Variants in NSMAF observed in about 807,000 individuals in gnomAD.
NSMAF encodes the protein protein FAN.
NSMAF carries 90 observed loss-of-function variants against 134.9 expected under a neutral mutation model. That is an observed-to-expected ratio of 0.67 (90% CI 0.56 to 0.79). The LOEUF (loss-of-function observed/expected upper bound fraction) is 0.79. NSMAF is among the 30% of genes least tolerant of loss of function. The probability of loss-of-function intolerance (pLI) is 0.00; values close to 1 mark genes in which losing one functional copy is unlikely to be tolerated. For synonymous variants in NSMAF, 358 were observed against 389.6 expected, an observed-to-expected ratio of 0.92 and a Z score of 0.96; for missense variants, 1,010 against 1,119.0, an observed-to-expected ratio of 0.90 and a Z score of 1.39.
chr8:58,593,865 C>T (rs1310964612), intron 23 of NSMAF, among the ~76,000 whole-genome samples: 1 of 152,200 alleles, frequency 6.6e-6, no homozygotes, highest in African/African-American at 2.4e-5. Context: ...TGCATTTCCA[C>T]GTGCTGACAG....
At chr8:58,625,797 T>TTAC (rs1213510168) in intron 6 of NSMAF, among the ~76,000 whole-genome samples, 1 of 152,232 alleles carries the variant, frequency 6.6e-6, no homozygotes, top group Non-Finnish European at 1.5e-5. Flanking sequence ...AGGGAAGGAC[T>TTAC]TACTGTTGCC....
In NSMAF at chr8:58,609,648, T is replaced by C; in HGVS notation, c.643A>G (p.Ile215Val). Residue 215 changes from isoleucine to valine, a missense_variant, in exon 10 of 31, where the codon ATC becomes GTC. Coordinates refer to ENST00000038176, the MANE Select transcript of NSMAF (RefSeq NM_003580.4). ...PLVTNPGHVC[I>V]TDTNLYFQPL... Reference sequence around the variant, plus strand: ...TGAAAATACAGGTTTGTGTCCGTGATGCACACGTGTCCAGGATTAGTCACC... The same window carrying C: ...TGAAAATACAGGTTTGTGTCCGTGACGCACACGTGTCCAGGATTAGTCACC... 1 of 1,614,224 alleles carries C rather than the reference T, an allele frequency of 6.2e-7. No individual in the cohort carries two copies. The highest frequency in any genetic ancestry group is 1.1e-5 in the South Asian group (1 of 91,088).
rs749239008 is a variant in NSMAF, at chr8:58,599,891, T to TA, written c.1333-22dup. The TA allele has an allele frequency of 4.3e-6, 7 of 1,612,372 alleles. No individual in the cohort carries two copies. The South Asian group carries it at 7.7e-5, about 18-fold the overall frequency. On this transcript the variant is annotated intron_variant, in intron 17 of 30. Transcript: ENST00000038176. ...ATTAACTGAAAGTTTCGGGGAAAAA[T>TA]AAAAAAGAACAACAAACATGTTTTA...
chr8:58,636,251 T>G (rs1467610337), intron 2 of NSMAF, among the ~76,000 whole-genome samples: 3 of 152,200 alleles, frequency 2.0e-5, no homozygotes, highest in African/African-American at 4.8e-5. Flanking sequence ...TATAACCCCC[T>G]GGGACCCTGC....
At chr8:58,618,111 T>C (rs573714720) in intron 9 of NSMAF, among the ~76,000 whole-genome samples, 5 of 151,732 alleles carry the variant, frequency 3.3e-5, no homozygotes, top group Non-Finnish European at 5.9e-5. Context: ...AACTGAACAA[T>C]GAGATCACTT....
At chr8:58,605,221 T>C (rs1806376543) in intron 12 of NSMAF, among the ~76,000 whole-genome samples, 1 of 152,198 alleles carries the variant, frequency 6.6e-6, no homozygotes, top group Non-Finnish European at 1.5e-5. Context: ...ACTGAGGAAA[T>C]ATCATTAATT....
At chr8:58,622,109 A>G (rs942039894) in intron 9 of NSMAF, among the ~76,000 whole-genome samples, 2 of 152,182 alleles carry the variant, frequency 1.3e-5, no homozygotes, top group Non-Finnish European at 2.9e-5. Flanking sequence ...TAGGTTTTAC[A>G]TTTAAGTCTT....
chr8:58,584,427 A>G (rs1805837013), intron 30 of NSMAF, among the ~76,000 whole-genome samples: 2 of 152,226 alleles, frequency 1.3e-5, no homozygotes. Flanking sequence ...GTAAATCTAA[A>G]GCTAAAACAA....
intron 2 of NSMAF, among the ~76,000 whole-genome samples, chr8:58,638,610 A>G (rs1392250765): frequency 1.3e-5 from 2 of 152,194 alleles, no homozygotes; most frequent in Admixed American, 1.3e-4. Flanking sequence ...ACCTCATCCC[A>G]TACATAAAAA....
intron 9 of NSMAF, among the ~76,000 whole-genome samples, chr8:58,613,285 T>C (rs1024878350): frequency 6.6e-6 from 1 of 152,216 alleles, no homozygotes; most frequent in Non-Finnish European, 1.5e-5. Flanking sequence ...GTGGGTTTTA[T>C]GGATTATGCA....
At chr8:58,589,964 A>G in intron 25 of NSMAF, 43 bp downstream of exon 25, 1 of 1,541,450 alleles carries the variant, frequency 6.5e-7, no homozygotes. Context: ...AGAGGCAGCT[A>G]TTCTGCACGT....
intron 1 of NSMAF, among the ~76,000 whole-genome samples, chr8:58,654,418 C>T (rs1004624375): frequency 5.9e-5 from 9 of 152,116 alleles, no homozygotes; most frequent in African/African-American, 2.2e-4. Context: ...GGCATGGTGG[C>T]GCATGCCTGT....
intron 1 of NSMAF, among the ~76,000 whole-genome samples, chr8:58,650,475 T>C (rs181805347): frequency 6.6e-6 from 1 of 152,194 alleles, no homozygotes; most frequent in East Asian, 1.9e-4. Flanking sequence ...CCTTCCAACA[T>C]GCAAGCTTGC....
At chr8:58,649,955 T>C (rs761189001) in intron 1 of NSMAF, among the ~76,000 whole-genome samples, 1 of 152,220 alleles carries the variant, frequency 6.6e-6, no homozygotes. Context: ...ATCTGTCTGA[T>C]CTAGAATTTG....
chr8:58,635,449 A>C lies in NSMAF; in HGVS notation c.228+19T>G, dbSNP rs1807150914. ...ACAAAAAATAGGAATGTTTCTGTTCATATTTAAAATGTATTTACCTTGATG... is the reference window on the plus strand; with the variant it reads ...ACAAAAAATAGGAATGTTTCTGTTCCTATTTAAAATGTATTTACCTTGATG... On this transcript the variant is annotated intron_variant, in intron 3 of 30. Coordinates refer to ENST00000038176, the MANE Select transcript of NSMAF (RefSeq NM_003580.4). 1 of 1,575,830 alleles carries C rather than the reference A, an allele frequency of 6.3e-7. No homozygotes were observed. Among genetic ancestry groups the C allele is most frequent in the South Asian group, 1.2e-5 (1 of 86,226 alleles).
intron 21 of NSMAF, chr8:58,596,028 G>A (rs1044105360): frequency 1.0e-5 from 2 of 191,752 alleles, no homozygotes; most frequent in South Asian, 7.6e-5. Context: ...GTTCTGGTGT[G>A]GGGTGGGGAA....
intron 11 of NSMAF, among the ~76,000 whole-genome samples, chr8:58,606,840 A>G (rs1358167121): frequency 1.3e-5 from 2 of 152,146 alleles, no homozygotes; most frequent in South Asian, 2.1e-4. Flanking sequence ...AATACTATCT[A>G]CTTCACAAGG....
rs745374973 is a variant in NSMAF at position 58,584,114 on chromosome 8, G to T, written c.2746C>A (p.Gln916Lys). Residue 916 changes from glutamine (Q) to lysine (K), a missense_variant, in exon 31 of 31, where the codon CAG becomes AAG. By Grantham distance (53) the Gln-to-Lys change is moderately conservative. Transcript: ENST00000038176. ...AGGAGAGGAAAAGGCACTTAATACTGCAATTTCCAGAATATAATTTGTCTG... is the reference window on the plus strand; with the variant it reads ...AGGAGAGGAAAAGGCACTTAATACTTCAATTTCCAGAATATAATTTGTCTG... ...EDRQIIFWKL[Q>K]Y The T allele has an allele frequency of 2.5e-6, 4 of 1,610,974 alleles. No homozygotes were observed. The South Asian group carries it at 3.3e-5, about 13-fold the overall frequency.
chr8:58,594,345 CT>C (rs1314181988), intron 22 of NSMAF, 55 bp from the exon 23 acceptor site: 1 of 1,449,216 alleles, frequency 6.9e-7, no homozygotes, highest in Admixed American at 1.7e-5. Flanking sequence ...AGGATACCCT[CT>C]TTGTTTCATA....
Sources: allele counts gnomAD v4.1 joint callset (sites outside exome capture counted in the v4.1 genomes callset), GRCh38; gene constraint gnomAD v4.1.1; transcripts MANE v1.5; gene names NCBI Gene and HGNC (gene_info 2026-07-23, HGNC 2026-07-21).